Variants in SLBP observed in about 807,000 individuals in gnomAD.
The protein encoded by SLBP is histone RNA hairpin-binding protein.
Under a neutral mutation model 39.2 loss-of-function variants are expected in SLBP, and 29 were observed. That is an observed-to-expected ratio of 0.74 (90% CI 0.55 to 1.01). The LOEUF is 1.01. Among genes scored for constraint, SLBP ranks in the 50% least tolerant of loss-of-function variants. The pLI is 0.00. For missense variants in SLBP, 390 were observed against 350.2 expected, an observed-to-expected ratio of 1.11 and a Z score of -0.91; for synonymous variants, 129 against 118.7, an observed-to-expected ratio of 1.09 and a Z score of -0.57.
At chr4:1,706,609 C>T (rs1036348104) in intron 2 of SLBP, among the ~76,000 whole-genome samples, 2 of 151,970 alleles carry the variant, frequency 1.3e-5, no homozygotes, top group Non-Finnish European at 2.9e-5. Flanking sequence ...AGTTCCAGAC[C>T]AGCCAGGGCA....
At chr4:1,704,309 G>A (rs1716439173) in intron 2 of SLBP, among the ~76,000 whole-genome samples, 2 of 152,170 alleles carry the variant, frequency 1.3e-5, no homozygotes, top group Admixed American at 6.5e-5. Context: ...TTCAGCTTCA[G>A]TTCTGGCATT....
At chr4:1,698,823 C>T (rs1480324956) in intron 5 of SLBP, among the ~76,000 whole-genome samples, 2 of 151,660 alleles carry the variant, frequency 1.3e-5, no homozygotes, top group African/African-American at 2.4e-5. Flanking sequence ...AAGTCTCATA[C>T]TCTGCAGCCC....
In SLBP at chr4:1,696,224, C is replaced by T; in HGVS notation, c.607G>A (p.Glu203Lys). 1 of 1,594,596 alleles carries T rather than the reference C, an allele frequency of 6.3e-7. No individual in the cohort carries two copies. The highest frequency in any genetic ancestry group is 8.5e-7 in the Non-Finnish European group (1 of 1,173,042). Residue 203 changes from glutamate (E) to lysine (K), a missense_variant, in exon 6 of 8, where the codon GAA becomes AAA. Physicochemically the swap from Glu to Lys is moderately conservative, Grantham distance 56 (BLOSUM62 1). Coordinates refer to ENST00000489418, the MANE Select transcript of SLBP (RefSeq NM_006527.4). ...TACATTTCTTGCAAATCACATCCTT[C>T]TTCCGCTGGAGGATCCCAAAAATGC... ...ALHFWDPPAE[E>K]GCDLQEIHPV...
At chr4:1,696,015 C>G (rs191917516) in intron 6 of SLBP, among the ~76,000 whole-genome samples, 187 bp downstream of exon 6, 5 of 152,260 alleles carry the variant, frequency 3.3e-5, no homozygotes, top group Admixed American at 2.6e-4. Flanking sequence ...ATCCAGGAAG[C>G]AAACTCTTCC....
At chr4:1,694,236 C>A (rs1378784634) in intron 7 of SLBP, among the ~76,000 whole-genome samples, 1 of 151,960 alleles carries the variant, frequency 6.6e-6, no homozygotes, top group Non-Finnish European at 1.5e-5. Flanking sequence ...GCCTGCATGA[C>A]CACACCCAGC....
chr4:1,703,942 T>C (rs560016559), intron 2 of SLBP, among the ~76,000 whole-genome samples: 11 of 152,240 alleles, frequency 7.2e-5, no homozygotes, highest in Admixed American at 5.9e-4. Flanking sequence ...CAGTGAACTA[T>C]GTGTATCAAA....
chr4:1,705,204 G>C (rs1383607760), intron 2 of SLBP, among the ~76,000 whole-genome samples: 1 of 152,092 alleles, frequency 6.6e-6, no homozygotes, highest in Non-Finnish European at 1.5e-5. Context: ...TGGGATTATA[G>C]CTGTGAGCCA....
chr4:1,704,067 T>C (rs78484021), intron 2 of SLBP, among the ~76,000 whole-genome samples: 1,854 of 152,260 alleles, frequency 0.012, 29 homozygotes, highest in African/African-American at 0.041. Flanking sequence ...TGGAGCTCCT[T>C]GGCAGTGTGC....
intron 5 of SLBP, among the ~76,000 whole-genome samples, chr4:1,698,060 A>C (rs897672863): frequency 6.6e-6 from 1 of 151,842 alleles, no homozygotes; most frequent in African/African-American, 2.4e-5. Flanking sequence ...CCAGGAGTTA[A>C]GACTACAGTG....
intron 2 of SLBP, among the ~76,000 whole-genome samples, chr4:1,711,038 G>C (rs1196292993): frequency 2.1e-5 from 3 of 141,886 alleles, no homozygotes; most frequent in Non-Finnish European, 4.5e-5. Context: ...GAGACAGAGT[G>C]AGACCCTGTC....
intron 2 of SLBP, among the ~76,000 whole-genome samples, chr4:1,705,687 C>A (rs1171846638): frequency 2.6e-5 from 4 of 152,150 alleles, no homozygotes; most frequent in Non-Finnish European, 5.9e-5. Context: ...AGCAAATTGT[C>A]CACTCTGCAA....
intron 2 of SLBP, 143 bp from the exon 3 acceptor site, chr4:1,703,843 T>C: frequency 1.5e-6 from 1 of 665,272 alleles, no homozygotes. Context: ...GGTAGGAGGA[T>C]CACTTGAACC....
rs191701659 is a variant in SLBP, at chr4:1,711,166, C to G, written c.176+708G>C. 4.5e-3 allele frequency among the ~76,000 whole-genome samples: 646 copies of G among 144,288 alleles called. 3 individuals are homozygous for G. The highest frequency in any genetic ancestry group is 0.016 in the African/African-American group (622 of 39,524). The allele number at this position is 144,288 out of a possible 152,430, so 94.7% of individuals were successfully genotyped here. Reference sequence around the variant, plus strand: ...AAGTTGGGTCCGATTTTTTTTTTTCCTTTCACGCCTCCCATCCCCAACCCA... The same window carrying G: ...AAGTTGGGTCCGATTTTTTTTTTTCGTTTCACGCCTCCCATCCCCAACCCA... On this transcript the variant is annotated intron_variant, in intron 2 of 7. Coordinates refer to ENST00000489418, the MANE Select transcript of SLBP (RefSeq NM_006527.4).
At chr4:1,696,982 C>T (rs1026832079) in intron 5 of SLBP, among the ~76,000 whole-genome samples, 6 of 150,556 alleles carry the variant, frequency 4.0e-5, no homozygotes, top group South Asian at 2.1e-4. Flanking sequence ...CATGATGAAA[C>T]CTCATCTCTA....
At position 1,699,668 on chromosome 4, in the gene SLBP, C is replaced by T. The variant is rs1488018800; in HGVS notation, c.375G>A (p.Pro125=). The T allele has an allele frequency of 8.7e-6, 14 of 1,613,540 alleles. No homozygotes were observed. The highest frequency in any genetic ancestry group is 1.6e-4 in the Middle Eastern group (1 of 6,082). The change falls in exon 5 of 8, where the codon CCG becomes CCA. Residue 125 remains proline, a synonymous_variant. Coordinates refer to ENST00000489418, the MANE Select transcript of SLBP (RefSeq NM_006527.4). Reference sequence around the variant, plus strand: ...CACTTTCATCTGTCTCAAAGTCAGCCGGCACAGTAGACATAGACTCCTTTG... The same window carrying T: ...CACTTTCATCTGTCTCAAAGTCAGCTGGCACAGTAGACATAGACTCCTTTG... ...SDSKESMSTV[P]ADFETDESVL...
At chr4:1,694,453 G>A (rs1454700498) in intron 7 of SLBP, among the ~76,000 whole-genome samples, 7 of 149,262 alleles carry the variant, frequency 4.7e-5, no homozygotes, top group South Asian at 2.1e-4. Flanking sequence ...GTGCAATGGC[G>A]CCATCTCAGC....
At chr4:1,704,650 CCATA>C (rs1413078830) in intron 2 of SLBP, among the ~76,000 whole-genome samples, 2 of 152,132 alleles carry the variant, frequency 1.3e-5, no homozygotes, top group Non-Finnish European at 2.9e-5. Context: ...CCCTGGCTGG[CCATA>C]CAGAGGGATT....
chr4:1,697,886 C>A (rs1352120260), intron 5 of SLBP, among the ~76,000 whole-genome samples: 1 of 152,070 alleles, frequency 6.6e-6, no homozygotes, highest in Non-Finnish European at 1.5e-5. Context: ...CGCTTGTAAT[C>A]ACAGTACTTT....
rs1050332699 is a variant in SLBP, at chr4:1,703,653, C to G, written c.224G>C (p.Trp75Ser). The change falls in exon 3 of 8, where the codon TGG (tryptophan) becomes TCG (serine). Residue 75 changes from tryptophan to serine, a missense_variant. Transcript: ENST00000489418. ...GPKPRSRCSDWASAVEEDEMR... is the reference protein window; with the variant it reads ...GPKPRSRCSDSASAVEEDEMR... ...TTCATCTTCTTCAACTGCACTTGCC[C>G]AGTCAGAGCATCTGGAACGGGGTTT... The G allele has an allele frequency of 6.2e-7, 1 of 1,613,928 alleles. No individual in the cohort carries two copies. Among genetic ancestry groups the G allele is most frequent in the African/African-American group, 1.3e-5 (1 of 74,914 alleles).
Sources: allele counts gnomAD v4.1 joint callset (sites outside exome capture counted in the v4.1 genomes callset), GRCh38; gene constraint gnomAD v4.1.1; transcripts MANE v1.5; gene names NCBI Gene and HGNC (gene_info 2026-07-23, HGNC 2026-07-21).